Variants in DLGAP1 observed in about 807,000 individuals in gnomAD.
DLGAP1 encodes the protein DLG associated protein 1.
In DLGAP1, 11 loss-of-function variants were observed where a neutral mutation model predicts 90.8. That is an observed-to-expected ratio of 0.12 (90% CI 0.08 to 0.20). DLGAP1 has a LOEUF of 0.20. Among genes scored for constraint, DLGAP1 ranks in the 10% least tolerant of loss-of-function variants. The probability of loss-of-function intolerance (pLI) is 1.00; values close to 1 mark genes in which losing one functional copy is unlikely to be tolerated. For synonymous variants in DLGAP1, 558 were observed against 540.7 expected, an observed-to-expected ratio of 1.03 and a Z score of -0.44; for missense variants, 1,050 against 1,333.8, an observed-to-expected ratio of 0.79 and a Z score of 3.31.
At chr18:4,005,526 A>G (rs956047276) in intron 2 of DLGAP1, among the ~76,000 whole-genome samples, 1 of 152,190 alleles carries the variant, frequency 6.6e-6, no homozygotes, top group Non-Finnish European at 1.5e-5. Context: ...TTCAACAAGT[A>G]TCTATTCTGT....
At chr18:3,622,069 T>C (rs1224845946) in intron 7 of DLGAP1, among the ~76,000 whole-genome samples, 1 of 152,046 alleles carries the variant, frequency 6.6e-6, no homozygotes, top group Non-Finnish European at 1.5e-5. Context: ...ATGTGTATGT[T>C]GGCTGTGTGT....
chr18:4,144,994 A>G (rs1051249552), intron 2 of DLGAP1, among the ~76,000 whole-genome samples: 3 of 152,238 alleles, frequency 2.0e-5, no homozygotes, highest in African/African-American at 7.2e-5. Context: ...CATCATCTAA[A>G]AATAACATTT....
At chr18:3,987,127 T>C (rs2073859241) in intron 3 of DLGAP1, among the ~76,000 whole-genome samples, 1 of 152,138 alleles carries the variant, frequency 6.6e-6, no homozygotes, top group South Asian at 2.1e-4. Context: ...TTTACCTCCC[T>C]AGGTTTATTT....
intron 1 of DLGAP1, among the ~76,000 whole-genome samples, chr18:4,405,872 A>G (rs568354976): frequency 5.3e-5 from 8 of 152,190 alleles, no homozygotes; most frequent in Non-Finnish European, 1.0e-4. Context: ...TTTTGAACAA[A>G]GAATTGGACA....
At chr18:3,878,452 T>C (rs1412490957) in intron 4 of DLGAP1, among the ~76,000 whole-genome samples, 1 of 152,106 alleles carries the variant, frequency 6.6e-6, no homozygotes, top group Admixed American at 6.5e-5. Flanking sequence ...GTATTTTACT[T>C]CTCTAATCCT....
chr18:3,776,398 C>G (rs894402867), intron 5 of DLGAP1, among the ~76,000 whole-genome samples: 3 of 152,162 alleles, frequency 2.0e-5, no homozygotes, highest in African/African-American at 7.2e-5. Context: ...GAAATGAATC[C>G]TCTGAAAGTA....
intron 1 of DLGAP1, among the ~76,000 whole-genome samples, chr18:4,238,417 A>C (rs1463940625): frequency 6.6e-6 from 1 of 152,228 alleles, no homozygotes; most frequent in Non-Finnish European, 1.5e-5. Flanking sequence ...TTTTAATTTA[A>C]GTCAATTTGA....
Position 3,660,631 on chromosome 18 carries a change from A to G in DLGAP1, c.1591+68504T>C, listed in dbSNP as rs1435261428. Among the ~76,000 whole-genome samples, 1 of 152,226 alleles carries G rather than the reference A, an allele frequency of 6.6e-6. No homozygotes were observed. The highest frequency in any genetic ancestry group is 1.5e-5 in the Non-Finnish European group (1 of 68,042). On this transcript the variant is annotated intron_variant, in intron 7 of 12. Coordinates refer to ENST00000315677, the MANE Select transcript of DLGAP1 (RefSeq NM_004746.4). This position sits in a 1 kb window ranked among gnomAD's most constrained non-coding sequence, Gnocchi z 4.2. ...GAGCTGAGTACTGAGATTTCATTAT[A>G]TTGACCACTGTCTATTTCTACTCAG...
chr18:3,600,793 GATATATAGATATATAGAT>G lies in DLGAP1; in HGVS notation c.1592-18563_1592-18546del, dbSNP rs2056897694. Among the ~76,000 whole-genome samples, 11 of 29,194 alleles carry G rather than the reference GATATATAGATATATAGAT, an allele frequency of 3.8e-4. 1 individual carries two copies. Among genetic ancestry groups the G allele is most frequent in the Admixed American group, 1.8e-3 (6 of 3,274 alleles). The allele number at this position is 29,194 out of a possible 152,430, so 19.2% of individuals were successfully genotyped here. On this transcript the variant is annotated intron_variant, in intron 7 of 12. Transcript: ENST00000315677. The stretch of plus-strand genomic sequence containing the variant: ...ATATATAGATATATAGATATATATA[GATATATAGATATATAGAT>G]ATATATAGATATATAGATATATATA...
At chr18:4,348,400 ATGTGTGTGTGTGTGTGTG>A (rs71160958) in intron 1 of DLGAP1, among the ~76,000 whole-genome samples, 4 of 133,488 alleles carry the variant, frequency 3.0e-5, no homozygotes, top group Non-Finnish European at 3.1e-5. Context: ...GAACTCAGGA[ATGTGTGTGTGTGTGTGTG>A]TGTGTGTGTG....
chr18:3,617,019 T>C (rs1422917694), intron 7 of DLGAP1, among the ~76,000 whole-genome samples: 4 of 152,072 alleles, frequency 2.6e-5, no homozygotes, highest in African/African-American at 4.8e-5. Flanking sequence ...CTTGAAACTG[T>C]AGGAGATGCT....
intron 1 of DLGAP1, among the ~76,000 whole-genome samples, chr18:4,170,785 C>G (rs888132708): frequency 6.6e-6 from 1 of 152,108 alleles, no homozygotes; most frequent in Non-Finnish European, 1.5e-5. Context: ...TTGTCTTCCA[C>G]AACAAAGGAT....
chr18:4,246,946 A>C (rs1485626394), intron 1 of DLGAP1, among the ~76,000 whole-genome samples: 3 of 152,186 alleles, frequency 2.0e-5, no homozygotes, highest in Non-Finnish European at 4.4e-5. Context: ...CAAGATTGTA[A>C]AGCCCCATGA....
intron 5 of DLGAP1, among the ~76,000 whole-genome samples, chr18:3,750,233 T>G (rs767623828): frequency 2.1e-4 from 32 of 152,246 alleles, no homozygotes; most frequent in Non-Finnish European, 4.1e-4. Flanking sequence ...CATTTGGTTT[T>G]TGTTTCCTGC....
intron 7 of DLGAP1, among the ~76,000 whole-genome samples, chr18:3,652,783 C>A (rs1477210817): frequency 6.6e-6 from 1 of 152,186 alleles, no homozygotes; most frequent in African/African-American, 2.4e-5. Flanking sequence ...TAGATTCTCA[C>A]CTATGAGGTA....
intron 7 of DLGAP1, among the ~76,000 whole-genome samples, chr18:3,640,925 G>C (rs1020429284): frequency 6.6e-6 from 1 of 152,094 alleles, no homozygotes; most frequent in African/African-American, 2.4e-5. Flanking sequence ...AATTTTTAAT[G>C]AGGAAAGAGA....
chr18:3,600,977 T>TATAGATATATAG, intron 7 of DLGAP1, among the ~76,000 whole-genome samples: 1 of 109,950 alleles, frequency 9.1e-6, no homozygotes, highest in Non-Finnish European at 1.9e-5. Flanking sequence ...TAGATAGATA[T>TATAGATATATAG]ATAGATATAG....
At position 4,390,658 on chromosome 18, in the gene DLGAP1, C is replaced by T. The variant is rs184483740; in HGVS notation, c.-267+64348G>A. On this transcript the variant is annotated intron_variant, in intron 1 of 12. Coordinates refer to ENST00000315677, the MANE Select transcript of DLGAP1 (RefSeq NM_004746.4). ...TCAGATTATTTTCTTTCACTTAGTA[C>T]GGATTTAGTTTCCTTCATGTCTTTT... is the stretch of plus-strand genomic sequence containing the variant. Among the ~76,000 whole-genome samples, 450 of 152,140 alleles carry T rather than the reference C, an allele frequency of 3.0e-3. 7 individuals are homozygous for T. Among genetic ancestry groups the T allele is most frequent in the South Asian group, 0.02 (98 of 4,822 alleles).
chr18:3,732,669 GC>G (rs373390707), intron 6 of DLGAP1, among the ~76,000 whole-genome samples: 2 of 152,214 alleles, frequency 1.3e-5, no homozygotes, highest in African/African-American at 4.8e-5. Context: ...GTCAGTGGGA[GC>G]CTTTTAGGTT....
Sources: allele counts gnomAD v4.1 joint callset (sites outside exome capture counted in the v4.1 genomes callset), GRCh38; gene constraint gnomAD v4.1.1; non-coding constraint Gnocchi (gnomAD v3.1); transcripts MANE v1.5; gene names NCBI Gene and HGNC (gene_info 2026-07-23, HGNC 2026-07-21).